Variants in MYO1D observed in about 807,000 individuals in gnomAD.
MYO1D encodes the protein unconventional myosin-Id.
A neutral mutation model predicts 122.0 loss-of-function variants in MYO1D; 83 were observed. That is an observed-to-expected ratio of 0.68 (90% confidence interval 0.57 to 0.82). MYO1D has a LOEUF of 0.82. Among genes scored for constraint, MYO1D ranks in the 40% least tolerant of loss-of-function variants. The pLI, the probability that MYO1D is intolerant of heterozygous loss-of-function variation, is 0.00. For synonymous variants in MYO1D, 464 were observed against 446.9 expected, an observed-to-expected ratio of 1.04 and a Z score of -0.48; for missense variants, 1,157 against 1,269.5, an observed-to-expected ratio of 0.91 and a Z score of 1.35.
At chr17:32,542,047 C>T (rs188052700) in intron 21 of MYO1D, among the ~76,000 whole-genome samples, 1 of 152,272 alleles carries the variant, frequency 6.6e-6, no homozygotes, top group Admixed American at 6.5e-5. Context: ...TCCCTCTCCA[C>T]CAGGTTTGCA....
chr17:32,749,058 A>T (rs759051920), intron 11 of MYO1D, 52 bp from the exon 12 acceptor site: 1 of 1,442,252 alleles, frequency 6.9e-7, no homozygotes, highest in Non-Finnish European at 9.7e-7. Context: ...TTGCTTTCCT[A>T]AAAATATATT....
At chr17:32,505,287 C>T (rs1301055388) in intron 21 of MYO1D, 1 of 152,296 alleles carries the variant, frequency 6.6e-6, no homozygotes, top group Non-Finnish European at 1.5e-5. Flanking sequence ...CTCTGCTGTG[C>T]TGCTTCCAGC....
At chr17:32,807,666 T>C in intron 1 of MYO1D, among the ~76,000 whole-genome samples, 1 of 152,220 alleles carries the variant, frequency 6.6e-6, no homozygotes, top group East Asian at 1.9e-4. Flanking sequence ...GAAAAGCTGG[T>C]GTGCACATGC....
intron 15 of MYO1D, among the ~76,000 whole-genome samples, chr17:32,720,219 CA>C (rs759342463): frequency 1.6e-4 from 24 of 152,168 alleles, no homozygotes; most frequent in Non-Finnish European, 2.4e-4. Context: ...TTATCATTAT[CA>C]TTTTTTTATA....
chr17:32,685,901 G>C (rs2150970340), intron 16 of MYO1D, among the ~76,000 whole-genome samples: 1 of 152,252 alleles, frequency 6.6e-6, no homozygotes, highest in Middle Eastern at 3.4e-3. Flanking sequence ...ACCTGCTTTG[G>C]CCAATGCGAT....
chr17:32,794,549 AT>A (rs1288465117), intron 1 of MYO1D, among the ~76,000 whole-genome samples: 4 of 152,056 alleles, frequency 2.6e-5, no homozygotes, highest in African/African-American at 9.6e-5. Flanking sequence ...TGTTCCAAGC[AT>A]TGTGCTGGGA....
intron 17 of MYO1D, among the ~76,000 whole-genome samples, chr17:32,656,793 CAG>C (rs2088483200): frequency 6.6e-6 from 1 of 152,220 alleles, no homozygotes; most frequent in Non-Finnish European, 1.5e-5. Context: ...TTACAATACT[CAG>C]TGGCTTCCTA....
chr17:32,743,309 G>A (rs1006211795), intron 13 of MYO1D, among the ~76,000 whole-genome samples: 4 of 152,120 alleles, frequency 2.6e-5, no homozygotes, highest in African/African-American at 9.7e-5. Flanking sequence ...CCTTTCCCCT[G>A]AGATTCAGAT....
chr17:32,541,929 T>C (rs995704390), intron 21 of MYO1D, among the ~76,000 whole-genome samples: 6 of 152,134 alleles, frequency 3.9e-5, no homozygotes, highest in African/African-American at 1.2e-4. Flanking sequence ...TAATACTCTC[T>C]TTTCCTCCCC....
intron 1 of MYO1D, among the ~76,000 whole-genome samples, chr17:32,804,653 T>C (rs1370112842): frequency 6.6e-6 from 1 of 152,152 alleles, no homozygotes; most frequent in Admixed American, 6.5e-5. Context: ...TTCACTGCTA[T>C]CTAGTATTTT....
rs531094698 is a variant in MYO1D at position 32,753,727 on chromosome 17, C to T, written c.1467+1765G>A. ...CATCCTGGCCAACATGGTGAAACTC[C>T]GTCTCTACAAAAACACAAAAATTAG... On this transcript the variant is annotated intron_variant, in intron 11 of 21. Transcript: ENST00000318217. 3.1e-4 allele frequency among the ~76,000 whole-genome samples: 47 copies of T among 152,062 alleles called. No individual in the cohort carries two copies. In the South Asian group the frequency reaches 7.3e-3, roughly 24 times the overall value.
intron 16 of MYO1D, among the ~76,000 whole-genome samples, chr17:32,709,922 T>C (rs944101462): frequency 1.3e-5 from 2 of 152,116 alleles, no homozygotes; most frequent in Admixed American, 6.5e-5. Flanking sequence ...CATGAATTCA[T>C]AGGGCCTAAG....
chr17:32,755,626 C>T lies in MYO1D; in HGVS notation c.1333G>A (p.Val445Met), dbSNP rs748327999. Residue 445 changes from valine to methionine, a missense_variant, in exon 11 of 22, where the codon GTG becomes ATG. Val to Met is a conservative substitution (Grantham distance 21, BLOSUM62 1). Coordinates refer to ENST00000318217, the MANE Select transcript of MYO1D (RefSeq NM_015194.3). ...YFNNQIIVDL[V>M]EQQHKGIIAI... ...ATGATCCCTTTGTGCTGTTGCTCCA[C>T]GAGGTCAACAATGATCTGATTGTTG... The T allele has an allele frequency of 1.9e-6, 3 of 1,613,632 alleles. No homozygotes were observed. Among genetic ancestry groups the T allele is most frequent in the South Asian group, 1.1e-5 (1 of 91,026 alleles).
chr17:32,625,705 A>G (rs1432399245), intron 20 of MYO1D, among the ~76,000 whole-genome samples: 2 of 151,764 alleles, frequency 1.3e-5, no homozygotes, highest in Non-Finnish European at 2.9e-5. Flanking sequence ...TAATTTTTGT[A>G]TTTTTTGTAG....
At chr17:32,865,895 C>CA (rs1218014563) in intron 1 of MYO1D, among the ~76,000 whole-genome samples, 1 of 152,222 alleles carries the variant, frequency 6.6e-6, no homozygotes, top group Non-Finnish European at 1.5e-5. Flanking sequence ...CAACTGAAGT[C>CA]ACTTACTGGA....
intron 8 of MYO1D, 48 bp downstream of exon 8, chr17:32,764,830 T>G: frequency 6.3e-7 from 1 of 1,586,780 alleles, no homozygotes; most frequent in Non-Finnish European, 8.6e-7. Flanking sequence ...TCACTCAATT[T>G]GCAACTGCGA....
intron 1 of MYO1D, among the ~76,000 whole-genome samples, chr17:32,823,438 G>A (rs905993934): frequency 6.6e-6 from 1 of 152,088 alleles, no homozygotes; most frequent in Non-Finnish European, 1.5e-5. Flanking sequence ...ACTTGCCTAA[G>A]GTTACACAAC....
At chr17:32,611,241 C>G (rs551037185) in intron 20 of MYO1D, among the ~76,000 whole-genome samples, 1 of 152,082 alleles carries the variant, frequency 6.6e-6, no homozygotes, top group Non-Finnish European at 1.5e-5. Flanking sequence ...ACGAAATCAG[C>G]GCAAAACAGA....
intron 20 of MYO1D, among the ~76,000 whole-genome samples, chr17:32,607,805 A>G (rs781382612): frequency 6.6e-6 from 1 of 151,806 alleles, no homozygotes; most frequent in Non-Finnish European, 1.5e-5. Flanking sequence ...TTAGAAAGGA[A>G]AAAAAAAACA....
Sources: gnomAD v4.1 joint callset for allele counts (sites outside exome capture counted in the v4.1 genomes callset) on GRCh38, gnomAD v4.1.1 for gene constraint, MANE v1.5 for transcripts, NCBI Gene and HGNC (gene_info 2026-07-23, HGNC 2026-07-21) for gene names.